The following KREMEN1 variants were observed in gnomAD, a reference collection of about 807,000 sequenced individuals.
KREMEN1 encodes the protein kringle containing transmembrane protein 1, also known as kremen protein 1.
Under a neutral mutation model 46.5 loss-of-function variants are expected in KREMEN1, and 30 were observed. The observed-to-expected ratio is 0.65, with a 90% CI of 0.48 to 0.88. KREMEN1 has a LOEUF of 0.88. Among genes scored for constraint, KREMEN1 ranks in the 40% least tolerant of loss-of-function variants. The pLI is 0.00. For synonymous variants in KREMEN1, 214 were observed against 230.6 expected, an observed-to-expected ratio of 0.93 and a Z score of 0.65; for missense variants, 533 against 596.9, an observed-to-expected ratio of 0.89 and a Z score of 1.11.
chr22:29,076,794 G>A (rs1473594858), intron 1 of KREMEN1, among the ~76,000 whole-genome samples: 1 of 152,218 alleles, frequency 6.6e-6, no homozygotes, highest in African/African-American at 2.4e-5. Flanking sequence ...AGAGGTAGCG[G>A]TGAGTTGAGA....
chr22:29,098,784 T>G, intron 2 of KREMEN1, 78 bp from the exon 3 acceptor site: 1 of 1,100,958 alleles, frequency 9.1e-7, no homozygotes, highest in Non-Finnish European at 1.4e-6. Flanking sequence ...AGCATTTCCT[T>G]TTCTGTAAAA....
At chr22:29,141,663 A>G (rs952969807) in intron 8 of KREMEN1, among the ~76,000 whole-genome samples, 6 of 152,262 alleles carry the variant, frequency 3.9e-5, no homozygotes, top group African/African-American at 1.4e-4. Flanking sequence ...TTGAAAATCC[A>G]TAATCTCTCA....
At chr22:29,147,758 G>C (rs937473817), downstream of KREMEN1, among the ~76,000 whole-genome samples, 7 of 152,218 alleles carry the variant, frequency 4.6e-5, no homozygotes, top group African/African-American at 1.7e-4. Context: ...CCCCAAGCCA[G>C]TGCTGTGGAG....
intron 3 of KREMEN1, among the ~76,000 whole-genome samples, chr22:29,117,970 A>G (rs911329665): frequency 1.3e-5 from 2 of 152,206 alleles, no homozygotes; most frequent in African/African-American, 4.8e-5. Flanking sequence ...AATGTGGGGT[A>G]TGACTTCGCA....
At chr22:29,150,990 G>A (rs899968528), downstream of KREMEN1, among the ~76,000 whole-genome samples, 2 of 152,202 alleles carry the variant, frequency 1.3e-5, no homozygotes, top group Non-Finnish European at 2.9e-5. Context: ...TCCAACACAG[G>A]CAGTGGGTGG....
At chr22:29,130,098 A>C (rs2038510206) in intron 5 of KREMEN1, among the ~76,000 whole-genome samples, 1 of 152,188 alleles carries the variant, frequency 6.6e-6, no homozygotes, top group Non-Finnish European at 1.5e-5. Context: ...CATTGACAGG[A>C]GCCTGTGCTA....
intron 3 of KREMEN1, among the ~76,000 whole-genome samples, chr22:29,109,329 G>A (rs2145790117): frequency 6.6e-6 from 1 of 152,270 alleles, no homozygotes; most frequent in East Asian, 1.9e-4. Context: ...ACCAGCACTT[G>A]CCTATAAGGA....
chr22:29,150,995 G>A (rs2038910740), downstream of KREMEN1, among the ~76,000 whole-genome samples: 1 of 152,208 alleles, frequency 6.6e-6, no homozygotes, highest in Non-Finnish European at 1.5e-5. Flanking sequence ...CACAGGCAGT[G>A]GGTGGGCCCC....
At chr22:29,138,411 A>G (rs753589257) in intron 6 of KREMEN1, among the ~76,000 whole-genome samples, 15 of 152,254 alleles carry the variant, frequency 9.9e-5, no homozygotes, top group Non-Finnish European at 1.6e-4. Flanking sequence ...GACTAGCCAC[A>G]TTCTGTGAAG....
intron 1 of KREMEN1, among the ~76,000 whole-genome samples, chr22:29,079,396 C>A (rs2037620730): frequency 6.6e-6 from 1 of 152,238 alleles, no homozygotes; most frequent in African/African-American, 2.4e-5. Context: ...CCTCTCAGAG[C>A]TACCCCTCTG....
chr22:29,098,746 C>T, intron 2 of KREMEN1, 116 bp from the exon 3 acceptor site: 1 of 757,118 alleles, frequency 1.3e-6, no homozygotes, highest in South Asian at 1.6e-5. Context: ...AGATACAGAC[C>T]AACTATTAGA....
intron 9 of KREMEN1, among the ~76,000 whole-genome samples, chr22:29,160,489 G>A (rs8140542): frequency 0.067 from 9,891 of 147,408 alleles, 1,114 homozygotes; most frequent in African/African-American, 0.24. Flanking sequence ...GCAGTGAGCC[G>A]AGATCATGCC....
chr22:29,149,063 T>C (rs1028037728), downstream of KREMEN1, among the ~76,000 whole-genome samples: 1 of 152,102 alleles, frequency 6.6e-6, no homozygotes, highest in South Asian at 2.1e-4. Flanking sequence ...TGCCTCGACA[T>C]GGAGTCCGTG....
Position 29,073,119 on chromosome 22 carries a change from C to G in KREMEN1, c.-12C>G. 9.9e-7 allele frequency: 1 copy of G among 1,009,490 alleles called. No individual in the cohort carries two copies. Among genetic ancestry groups the G allele is most frequent in the South Asian group, 4.1e-5 (1 of 24,326 alleles). The allele number at this position is 1,009,490 out of a possible 1,614,324, so 62.5% of individuals were successfully genotyped here. A position where few individuals can be genotyped will look rare whatever the true frequency, so the allele number is the denominator to read the frequency against. The stretch of plus-strand genomic sequence containing the variant: ...CCCCGGGCCGCGCCCCGGGGCCCCG[C>G]ACTGACGGCCCATGGCGCCGCCAGC... On this transcript the variant is annotated 5_prime_UTR_variant, in exon 1 of 9. Transcript: ENST00000400335. This position sits in a 1 kb window ranked among gnomAD's most constrained non-coding sequence, Gnocchi z 4.4.
chr22:29,099,846 C>T (rs1475557596), intron 3 of KREMEN1, among the ~76,000 whole-genome samples: 1 of 151,968 alleles, frequency 6.6e-6, no homozygotes. Context: ...CCACACCCGG[C>T]ACCTGTATTC....
At chr22:29,131,560 A>ATATATATATGTT (rs1240832937) in intron 5 of KREMEN1, among the ~76,000 whole-genome samples, 1 of 69,976 alleles carries the variant, frequency 1.4e-5, no homozygotes, top group African/African-American at 8.4e-5. Context: ...ATATATATAT[A>ATATATATATGTT]TGTGTGTGTG....
chr22:29,140,250 A>G lies in KREMEN1; in HGVS notation c.1124-32A>G, dbSNP rs149011860. The G allele has an allele frequency of 6.3e-5, 99 of 1,578,978 alleles. No homozygotes were observed. The African/African-American group carries it at 1.2e-3, about 18-fold the overall frequency. Reference sequence around the variant, plus strand: ...TCCTTTCGAAAACCAACCATAAACAAGTCTGGTAAGCTCTGTCTTTTGCAC... The same window carrying G: ...TCCTTTCGAAAACCAACCATAAACAGGTCTGGTAAGCTCTGTCTTTTGCAC... On this transcript the variant is annotated intron_variant, in intron 7 of 8. Coordinates refer to ENST00000400335, the MANE Select transcript of KREMEN1 (RefSeq NM_001039570.3).
intron 9 of KREMEN1, among the ~76,000 whole-genome samples, chr22:29,157,518 A>G (rs973519340): frequency 1.3e-5 from 2 of 152,096 alleles, no homozygotes; most frequent in African/African-American, 2.4e-5. Context: ...TTGTATTTTT[A>G]GTAGAAATGG....
At chr22:29,105,810 A>G (rs1018196133) in intron 3 of KREMEN1, among the ~76,000 whole-genome samples, 4 of 152,192 alleles carry the variant, frequency 2.6e-5, no homozygotes, top group Non-Finnish European at 5.9e-5. Flanking sequence ...CATCAGCCCT[A>G]AGAGGATGCC....
Sources: gnomAD v4.1 joint callset for allele counts (sites outside exome capture counted in the v4.1 genomes callset) on GRCh38, gnomAD v4.1.1 for gene constraint, Gnocchi (gnomAD v3.1) non-coding constraint, MANE v1.5 for transcripts, NCBI Gene and HGNC (gene_info 2026-07-23, HGNC 2026-07-21) for gene names.